The following ARB2A variants were observed in gnomAD, a reference collection of about 807,000 sequenced individuals.
The protein encoded by ARB2A is cotranscriptional regulator ARB2A.
the ARB2A span, among the ~76,000 whole-genome samples, chr5:94,046,203 A>T: frequency 4.6e-5 from 2 of 43,768 alleles, no homozygotes; most frequent in Admixed American, 6.4e-4. Context: ...TTTCTGAGAG[A>T]GAGTTTAATT....
At chr5:93,775,228 A>C in the ARB2A span, among the ~76,000 whole-genome samples, 1 of 152,168 alleles carries the variant, frequency 6.6e-6, no homozygotes, top group Non-Finnish European at 1.5e-5. Context: ...TAGAATCTGA[A>C]CTATTCTCCA....
At chr5:94,030,214 A>G in the ARB2A span, among the ~76,000 whole-genome samples, 1 of 152,226 alleles carries the variant, frequency 6.6e-6, no homozygotes, top group Admixed American at 6.5e-5. Context: ...AAGCAACACA[A>G]TTTAGCTTCT....
chr5:93,728,274 A>G, the ARB2A span, among the ~76,000 whole-genome samples: 2 of 152,052 alleles, frequency 1.3e-5, no homozygotes, highest in Non-Finnish European at 2.9e-5. Flanking sequence ...TCTTAAGTCA[A>G]TTGTTTGATA....
chr5:94,019,159 C>T, the ARB2A span, among the ~76,000 whole-genome samples: 2 of 152,094 alleles, frequency 1.3e-5, no homozygotes, highest in Non-Finnish European at 2.9e-5. Context: ...CAAAAATTAA[C>T]TCATGATGGA....
the ARB2A span, among the ~76,000 whole-genome samples, chr5:93,846,311 G>A: frequency 1.5e-4 from 23 of 151,446 alleles, no homozygotes; most frequent in African/African-American, 4.4e-4. Context: ...TGAGACCAGC[G>A]TGGGTAACAT....
chr5:93,778,739 T>C, the ARB2A span, among the ~76,000 whole-genome samples: 7 of 152,178 alleles, frequency 4.6e-5, no homozygotes, highest in Non-Finnish European at 1.0e-4. Flanking sequence ...ACTTCACATA[T>C]GTAAAACTAT....
chr5:93,718,208 G>A, the ARB2A span, among the ~76,000 whole-genome samples: 2,601 of 152,112 alleles, frequency 0.017, 39 homozygotes, highest in Middle Eastern at 0.031. Context: ...TTGGGAGGCC[G>A]AGGTGGGCAG....
chr5:93,747,906 T>C, the ARB2A span, among the ~76,000 whole-genome samples: 1 of 152,194 alleles, frequency 6.6e-6, no homozygotes, highest in African/African-American at 2.4e-5. Flanking sequence ...AATATTCACC[T>C]ATACAATCAC....
At chr5:93,901,061 C>A in the ARB2A span, among the ~76,000 whole-genome samples, 3 of 152,156 alleles carry the variant, frequency 2.0e-5, no homozygotes, top group Admixed American at 6.5e-5. Context: ...CTTCTCCATT[C>A]TTCCTCTAAC....
the ARB2A span, chr5:93,741,814 T>G: frequency 4.6e-6 from 2 of 437,698 alleles, no homozygotes; most frequent in Non-Finnish European, 8.0e-6. Context: ...CTTGTGGGAT[T>G]TGCATCTCCA....
chr5:94,052,030 A>T, the ARB2A span, among the ~76,000 whole-genome samples: 608 of 152,186 alleles, frequency 4.0e-3, 8 homozygotes, highest in Non-Finnish European at 3.5e-3. Flanking sequence ...TATGCTGTCC[A>T]GGCTGGTCTT....
the ARB2A span, among the ~76,000 whole-genome samples, chr5:93,768,893 T>C: frequency 6.6e-6 from 1 of 151,896 alleles, no homozygotes; most frequent in Non-Finnish European, 1.5e-5. Context: ...CCTCCCTACA[T>C]GTTAATAATG....
At chr5:93,956,002 T>C in the ARB2A span, among the ~76,000 whole-genome samples, 4 of 152,244 alleles carry the variant, frequency 2.6e-5, no homozygotes, top group South Asian at 2.1e-4. Flanking sequence ...AGAGGCTGAA[T>C]AATTGGTACT....
chr5:94,049,966 G>T, the ARB2A span, among the ~76,000 whole-genome samples: 1 of 151,922 alleles, frequency 6.6e-6, no homozygotes. Flanking sequence ...TTGAGATAGG[G>T]TCTAACTCTG....
At chr5:93,770,052 C>T in the ARB2A span, among the ~76,000 whole-genome samples, 334 of 152,196 alleles carry the variant, frequency 2.2e-3, 2 homozygotes, top group Non-Finnish European at 2.1e-3. Context: ...AGTAGGGGAG[C>T]AAGGGTAGGA....
At chr5:93,984,630 G>A in the ARB2A span, among the ~76,000 whole-genome samples, 1 of 152,162 alleles carries the variant, frequency 6.6e-6, no homozygotes, top group Admixed American at 6.5e-5. Flanking sequence ...AGTTTTTACT[G>A]ACTTTGCCAA....
the ARB2A span, among the ~76,000 whole-genome samples, chr5:93,944,443 A>C: frequency 1.3e-5 from 2 of 152,054 alleles, no homozygotes; most frequent in African/African-American, 4.8e-5. Flanking sequence ...AAAAAAATAA[A>C]TAAATAAAAG....
At chr5:93,768,066 A>T in the ARB2A span, among the ~76,000 whole-genome samples, 1 of 148,238 alleles carries the variant, frequency 6.7e-6, no homozygotes, top group East Asian at 2.0e-4. Context: ...ATGAGATTGG[A>T]GACTATTATT....
chr5:93,698,991 T>A, the ARB2A span, among the ~76,000 whole-genome samples: 1 of 152,170 alleles, frequency 6.6e-6, no homozygotes, highest in Non-Finnish European at 1.5e-5. Flanking sequence ...AGTCTTTCAT[T>A]TCTGCTCCCA....
Sources: allele counts gnomAD v4.1 joint callset (sites outside exome capture counted in the v4.1 genomes callset), GRCh38; gene constraint gnomAD v4.1.1; transcripts MANE v1.5; gene names NCBI Gene and HGNC (gene_info 2026-07-23, HGNC 2026-07-21).